The following VWA8 variants were observed in gnomAD, a reference collection of about 807,000 sequenced individuals.
VWA8 encodes the protein von Willebrand factor A domain containing 8.
Under a neutral mutation model 241.5 loss-of-function variants are expected in VWA8, and 221 were observed. The observed-to-expected ratio is 0.91, with a 90% CI of 0.82 to 1.02. VWA8 has a LOEUF of 1.02. Among genes scored for constraint, VWA8 ranks in the 50% least tolerant of loss-of-function variants. The pLI, the probability that VWA8 is intolerant of heterozygous loss-of-function variation, is 0.00. For missense variants in VWA8, 2,322 were observed against 2,328.7 expected, an observed-to-expected ratio of 1.00 and a Z score of 0.06; for synonymous variants, 852 against 827.1, an observed-to-expected ratio of 1.03 and a Z score of -0.52.
chr13:41,758,330 T>C (rs910760608), intron 21 of VWA8, among the ~76,000 whole-genome samples: 1 of 142,634 alleles, frequency 7.0e-6, no homozygotes, highest in Admixed American at 7.1e-5. Context: ...CTACTGTAAA[T>C]AGTATTTTTA....
At chr13:41,784,705 T>TACATATACATATACATATACATATAC (rs773975684) in intron 18 of VWA8, among the ~76,000 whole-genome samples, 1,881 of 78,800 alleles carry the variant, frequency 0.024, 108 homozygotes, top group East Asian at 0.041. Flanking sequence ...TACATATATA[T>TACATATACATATACATATACATATAC]ATATATATAT....
chr13:41,831,520 G>C (rs546249642), intron 13 of VWA8, among the ~76,000 whole-genome samples: 1 of 151,602 alleles, frequency 6.6e-6, no homozygotes, highest in East Asian at 1.9e-4. Context: ...CTGTACGTTA[G>C]AATCTTCTGG....
chr13:41,887,940 C>G (rs907510484), intron 5 of VWA8, among the ~76,000 whole-genome samples: 4 of 152,168 alleles, frequency 2.6e-5, no homozygotes, highest in African/African-American at 9.7e-5. Context: ...AGTTATATAA[C>G]TTGCCCATCG....
At chr13:41,586,138 C>T (rs2044416358) in intron 42 of VWA8, among the ~76,000 whole-genome samples, 1 of 150,328 alleles carries the variant, frequency 6.7e-6, no homozygotes. Context: ...TTAAAATAAA[C>T]ATTTTCTATA....
intron 14 of VWA8, among the ~76,000 whole-genome samples, chr13:41,830,042 A>C (rs994642614): frequency 1.3e-5 from 2 of 152,186 alleles, no homozygotes; most frequent in African/African-American, 2.4e-5. Flanking sequence ...GGAGATCGAG[A>C]CCATCCTGGC....
intron 21 of VWA8, among the ~76,000 whole-genome samples, chr13:41,738,763 G>T (rs749215256): frequency 6.6e-5 from 10 of 151,964 alleles, no homozygotes; most frequent in Non-Finnish European, 1.3e-4. Context: ...CAGTGTGCAG[G>T]TCCCTTATTT....
At chr13:41,927,182 C>T in intron 2 of VWA8, 2 of 450,744 alleles carry the variant, frequency 4.4e-6, no homozygotes, top group South Asian at 3.6e-5. Context: ...AACTTCTGTA[C>T]TGCCCTGGAA....
At chr13:41,944,646 G>C (rs1226996942) in intron 2 of VWA8, among the ~76,000 whole-genome samples, 1 of 152,120 alleles carries the variant, frequency 6.6e-6, no homozygotes, top group Non-Finnish European at 1.5e-5. Flanking sequence ...AAAACCAGCA[G>C]CCTGGAAGTC....
At chr13:41,879,382 T>C (rs200243534) in intron 9 of VWA8, among the ~76,000 whole-genome samples, 4 of 140,806 alleles carry the variant, frequency 2.8e-5, no homozygotes, top group Admixed American at 7.1e-5. Flanking sequence ...CATACACACA[T>C]ACACACACAC....
At chr13:41,670,256 C>T (rs1433252322) in intron 37 of VWA8, among the ~76,000 whole-genome samples, 2 of 151,474 alleles carry the variant, frequency 1.3e-5, no homozygotes, top group Non-Finnish European at 2.9e-5. Flanking sequence ...AAATAAATCC[C>T]TTTATTATAT....
intron 28 of VWA8, among the ~76,000 whole-genome samples, chr13:41,700,731 A>G (rs1421829710): frequency 1.3e-5 from 2 of 152,246 alleles, no homozygotes; most frequent in Non-Finnish European, 2.9e-5. Flanking sequence ...AAAATAGCAG[A>G]TTTGTGGAAT....
chr13:41,646,784 T>C (rs141787857), intron 37 of VWA8, among the ~76,000 whole-genome samples: 114 of 152,368 alleles, frequency 7.5e-4, no homozygotes, highest in Middle Eastern at 3.4e-3. Context: ...ATTAAAGGGC[T>C]AGCATATCTT....
At chr13:41,718,518 G>A (rs546796083) in intron 26 of VWA8, among the ~76,000 whole-genome samples, 54 of 151,790 alleles carry the variant, frequency 3.6e-4, no homozygotes, top group African/African-American at 9.9e-4. Flanking sequence ...ACCAATGCAC[G>A]GATAATATAA....
intron 35 of VWA8, among the ~76,000 whole-genome samples, chr13:41,681,342 G>T (rs959345134): frequency 2.6e-5 from 4 of 151,992 alleles, no homozygotes; most frequent in African/African-American, 9.7e-5. Context: ...TATCAAGATG[G>T]CCCTGCATAA....
intron 12 of VWA8, among the ~76,000 whole-genome samples, chr13:41,848,841 A>G (rs1292688645): frequency 6.6e-6 from 1 of 152,174 alleles, no homozygotes; most frequent in East Asian, 1.9e-4. Flanking sequence ...GCAGCTACCT[A>G]AATCTGGGAG....
intron 32 of VWA8, among the ~76,000 whole-genome samples, chr13:41,690,476 T>C (rs138558503): frequency 6.6e-6 from 1 of 152,052 alleles, no homozygotes; most frequent in African/African-American, 2.4e-5. Flanking sequence ...AATACAGTAA[T>C]GAATGTGAGG....
At chr13:41,770,120 G>C (rs948771213) in intron 20 of VWA8, among the ~76,000 whole-genome samples, 5 of 152,136 alleles carry the variant, frequency 3.3e-5, no homozygotes, top group African/African-American at 1.2e-4. Flanking sequence ...ATGAAAAATG[G>C]GGAAGGGGAT....
In VWA8 at chr13:41,689,398, C is replaced by T; in HGVS notation, c.4087G>A (p.Glu1363Lys). 1 of 1,611,942 alleles carries T rather than the reference C, an allele frequency of 6.2e-7. No individual in the cohort carries two copies. Among genetic ancestry groups the T allele is most frequent in the South Asian group, 1.1e-5 (1 of 90,930 alleles). The change falls in exon 34 of 45, where the codon GAG becomes AAG. Residue 1363 changes from glutamate to lysine, a missense_variant. Glu to Lys is a moderately conservative substitution (Grantham distance 56, BLOSUM62 1). Coordinates refer to ENST00000379310, the MANE Select transcript of VWA8 (RefSeq NM_015058.2). Reference protein sequence around the residue: ...IASPNRILSDEKNYATIVVGF... With the variant: ...IASPNRILSDKKNYATIVVGF... Reference sequence around the variant, plus strand: ...ACAACTATTGTAGCATAATTTTTCTCATCTGAGAGAATTCTGTTGGGAGAG... The same window carrying T: ...ACAACTATTGTAGCATAATTTTTCTTATCTGAGAGAATTCTGTTGGGAGAG...
intron 4 of VWA8, among the ~76,000 whole-genome samples, chr13:41,894,108 C>T (rs1490572327): frequency 1.3e-5 from 2 of 152,072 alleles, no homozygotes; most frequent in Admixed American, 6.5e-5. Flanking sequence ...GATGAAAACC[C>T]ACATTCTTTG....
Sources: allele counts gnomAD v4.1 joint callset (sites outside exome capture counted in the v4.1 genomes callset), GRCh38; gene constraint gnomAD v4.1.1; transcripts MANE v1.5; gene names NCBI Gene and HGNC (gene_info 2026-07-23, HGNC 2026-07-21).